PTPRD: variants seen among roughly 807,000 people sequenced by gnomAD.
PTPRD encodes receptor-type tyrosine-protein phosphatase delta.
PTPRD carries 34 observed loss-of-function variants against 214.5 expected under a neutral mutation model. That is an observed-to-expected ratio of 0.16 (90% confidence interval 0.12 to 0.21). The LOEUF is 0.21. Ranked by LOEUF, PTPRD falls within the 10% of genes least tolerant of loss-of-function variation. The pLI is 1.00. For synonymous variants in PTPRD, 1,128 were observed against 845.7 expected (o/e 1.33, Z -5.79); for missense variants, 2,545 against 2,398.7 (o/e 1.06, Z -1.27).
chr9:8,793,733 C>A (rs550097582), intron 11 of PTPRD, among the ~76,000 whole-genome samples: 1 of 151,844 alleles, frequency 6.6e-6, no homozygotes, highest in African/African-American at 2.4e-5. Flanking sequence ...ACAACATTTG[C>A]GCATGTAATT....
At chr9:9,732,193 G>A (rs1338556143) in intron 7 of PTPRD, among the ~76,000 whole-genome samples, 1 of 152,036 alleles carries the variant, frequency 6.6e-6, no homozygotes, top group Non-Finnish European at 1.5e-5. Context: ...TGTAAAGGGA[G>A]AAAACTGAAC....
In PTPRD at chr9:8,332,970, G is replaced by A. The variant is rs80084447; in HGVS notation, c.5380-1234C>T. On this transcript the variant is annotated intron_variant, in intron 43 of 45. Coordinates refer to ENST00000381196, the MANE Select transcript of PTPRD (RefSeq NM_002839.4). ...CCCAAGGTTCTGGGTAAGTGAACAG[G>A]GACTCAATCCTTTATCATTCACTCA... 8.3e-3 allele frequency among the ~76,000 whole-genome samples: 1,257 copies of A among 152,160 alleles called. 15 individuals carry two copies. The highest frequency in any genetic ancestry group is 0.027 in the African/African-American group (1,138 of 41,520).
At chr9:10,129,499 C>CTTTT (rs35281382) in intron 3 of PTPRD, among the ~76,000 whole-genome samples, 2 of 125,824 alleles carry the variant, frequency 1.6e-5, no homozygotes, top group Non-Finnish European at 3.3e-5. Context: ...TTTTTCTTTC[C>CTTTT]TTTTTTTTTT....
intron 14 of PTPRD, among the ~76,000 whole-genome samples, chr9:8,558,652 C>A (rs1387080576): frequency 6.6e-6 from 1 of 152,170 alleles, no homozygotes. Context: ...CGGGCTTGGG[C>A]TATTGTACAA....
intron 44 of PTPRD, among the ~76,000 whole-genome samples, chr9:8,328,785 A>G (rs1452703136): frequency 1.3e-5 from 2 of 151,742 alleles, no homozygotes; most frequent in African/African-American, 2.4e-5. Flanking sequence ...TTGATCTTCA[A>G]TCTCGGACAT....
rs559162686 is a variant in PTPRD at position 9,884,468 on chromosome 9, A to T, written c.-368+54039T>A. ...ATAGCAGAGCTCATTGTTTACAAACATTTACCACCACCAAACTAAAGCATG... is the reference window on the plus strand; with the variant it reads ...ATAGCAGAGCTCATTGTTTACAAACTTTTACCACCACCAAACTAAAGCATG... On this transcript the variant is annotated intron_variant, in intron 5 of 45. Transcript: ENST00000381196. 2.6e-5 allele frequency among the ~76,000 whole-genome samples: 4 copies of T among 152,230 alleles called. No individual in the cohort carries two copies. In the South Asian group the frequency reaches 8.3e-4, roughly 32 times the overall value.
chr9:9,621,745 G>A (rs750079783), intron 7 of PTPRD, among the ~76,000 whole-genome samples: 1 of 152,014 alleles, frequency 6.6e-6, no homozygotes, highest in Non-Finnish European at 1.5e-5. Context: ...AGCACGCCTG[G>A]GCTGGGGTGA....
At chr9:8,574,337 A>G (rs1047242626) in intron 14 of PTPRD, among the ~76,000 whole-genome samples, 1 of 152,012 alleles carries the variant, frequency 6.6e-6, no homozygotes, top group Non-Finnish European at 1.5e-5. Context: ...TTTGGACATC[A>G]TCTACTATTG....
intron 34 of PTPRD, among the ~76,000 whole-genome samples, chr9:8,442,814 G>C (rs992746458): frequency 6.6e-6 from 1 of 152,106 alleles, no homozygotes. Flanking sequence ...CAACCATAAT[G>C]ACAATTAGAT....
At chr9:8,685,073 G>A (rs1186211406) in intron 12 of PTPRD, among the ~76,000 whole-genome samples, 2 of 152,016 alleles carry the variant, frequency 1.3e-5, no homozygotes, top group African/African-American at 4.8e-5. Context: ...TATTTTTCAA[G>A]GGCAACAGCA....
At position 9,386,268 on chromosome 9, in the gene PTPRD, G is replaced by T. The variant is rs571479793; in HGVS notation, c.-203+11181C>A. On this transcript the variant is annotated intron_variant, in intron 9 of 45. Transcript: ENST00000381196. Reference sequence around the variant, plus strand: ...GGCAGGCATGAGTCTACAGACTCATGAACCACATGGGGATTCATCACCTAG... The same window carrying T: ...GGCAGGCATGAGTCTACAGACTCATTAACCACATGGGGATTCATCACCTAG... 2.0e-5 allele frequency among the ~76,000 whole-genome samples: 3 copies of T among 152,248 alleles called. No individual in the cohort carries two copies. The East Asian group carries it at 5.8e-4, about 30-fold the overall frequency.
chr9:8,482,956 C>T (rs1031678877), intron 30 of PTPRD, among the ~76,000 whole-genome samples: 2 of 152,216 alleles, frequency 1.3e-5, no homozygotes, highest in Admixed American at 1.3e-4. Context: ...TAAGATAAAG[C>T]ATAATTCTAT....
At chr9:9,681,586 C>CTT (rs1010396037) in intron 7 of PTPRD, among the ~76,000 whole-genome samples, 1 of 151,762 alleles carries the variant, frequency 6.6e-6, no homozygotes, top group African/African-American at 2.4e-5. Flanking sequence ...CCTTTTCTCA[C>CTT]TTTGATATCT....
intron 7 of PTPRD, among the ~76,000 whole-genome samples, chr9:9,648,903 G>A (rs73390930): frequency 0.057 from 8,722 of 152,130 alleles, 780 homozygotes; most frequent in African/African-American, 0.19. Context: ...TAATGATCAA[G>A]TAAGCAAAGT....
At chr9:9,236,534 G>C (rs1415698184) in intron 9 of PTPRD, among the ~76,000 whole-genome samples, 1 of 151,304 alleles carries the variant, frequency 6.6e-6, no homozygotes, top group African/African-American at 2.4e-5. Flanking sequence ...TTGCATTTCT[G>C]GTCCCCAGAT....
chr9:8,384,852 C>T (rs75633705), intron 37 of PTPRD, among the ~76,000 whole-genome samples: 10,987 of 152,134 alleles, frequency 0.072, 509 homozygotes, highest in Non-Finnish European at 0.099. Flanking sequence ...CTTTATATAC[C>T]CTAATGAAAC....
Position 10,469,769 on chromosome 9 carries a change from G to A in PTPRD, c.-599-128752C>T, listed in dbSNP as rs115373636. On this transcript the variant is annotated intron_variant, in intron 2 of 45. Transcript: ENST00000381196. ...ATATAGAACCAACCCAAGTGTCCAT[G>A]AATGAATGGATAAAGAAAATGTCAT... 2.8e-3 allele frequency among the ~76,000 whole-genome samples: 424 copies of A among 152,144 alleles called. 2 individuals carry two copies. Among genetic ancestry groups the A allele is most frequent in the African/African-American group, 9.6e-3 (400 of 41,506 alleles).
intron 8 of PTPRD, among the ~76,000 whole-genome samples, chr9:9,416,101 T>G (rs1226263817): frequency 6.6e-6 from 1 of 152,186 alleles, no homozygotes; most frequent in Admixed American, 6.5e-5. Context: ...GATTCTGTCT[T>G]CTAAATATCT....
In PTPRD at chr9:10,354,926, T is replaced by A. The variant is rs1288126832; in HGVS notation, c.-599-13909A>T. On this transcript the variant is annotated intron_variant, in intron 2 of 45. Transcript: ENST00000381196. ...CCTCTGACTTCAGCATGTGTCCCAT[T>A]GTCCTTGATGAAAATATGCTAAAAT... is the stretch of plus-strand genomic sequence containing the variant. Among the ~76,000 whole-genome samples, 2 of 152,222 alleles carry A rather than the reference T, an allele frequency of 1.3e-5. 1 individual carries two copies. Among genetic ancestry groups the A allele is most frequent in the Non-Finnish European group, 2.9e-5 (2 of 68,046 alleles).
Sources: allele counts gnomAD v4.1 joint callset (sites outside exome capture counted in the v4.1 genomes callset), GRCh38; gene constraint gnomAD v4.1.1; transcripts MANE v1.5; gene names NCBI Gene and HGNC (gene_info 2026-07-23, HGNC 2026-07-21).